Variants in RNF169 observed in about 807,000 individuals in gnomAD.
RNF169 encodes the protein E3 ubiquitin-protein ligase RNF169.
Under a neutral mutation model 53.9 loss-of-function variants are expected in RNF169, and 24 were observed. The ratio of observed to expected loss-of-function variants is 0.45; its 90% CI spans 0.32 to 0.63. The LOEUF is 0.63. Among genes scored for constraint, RNF169 ranks in the 20% least tolerant of loss-of-function variants. The pLI is 0.04. For synonymous variants in RNF169, 396 were observed against 363.5 expected, an observed-to-expected ratio of 1.09 and a Z score of -1.02; for missense variants, 883 against 906.2, an observed-to-expected ratio of 0.97 and a Z score of 0.33.
intron 1 of RNF169, among the ~76,000 whole-genome samples, chr11:74,778,105 T>C (rs936466554): frequency 1.3e-5 from 2 of 152,216 alleles, no homozygotes; most frequent in Non-Finnish European, 2.9e-5. Flanking sequence ...GGCAGTTGTT[T>C]ATTCTGTGAC....
rs140577492 is a variant in RNF169 at position 74,828,105 on chromosome 11, T to G, written c.843-6571T>G. The stretch of plus-strand genomic sequence containing the variant: ...AACCCCATTGTCCCAGCCCAAAAGC[T>G]TATTAATCTGATAAGCAGCTTCAGC... On this transcript the variant is annotated intron_variant, in intron 4 of 5. Transcript: ENST00000299563. Among the ~76,000 whole-genome samples the G allele has an allele frequency of 3.7e-4, 56 of 152,324 alleles. 1 individual carries two copies. Among genetic ancestry groups the G allele is most frequent in the African/African-American group, 1.2e-3 (49 of 41,566 alleles).
intron 1 of RNF169, among the ~76,000 whole-genome samples, chr11:74,777,235 G>A (rs188493881): frequency 1.3e-5 from 2 of 152,316 alleles, no homozygotes; most frequent in Admixed American, 1.3e-4. Context: ...CTAGGTGACT[G>A]CAGGTCTGTC....
At chr11:74,751,271 C>G (rs946487349) in intron 1 of RNF169, among the ~76,000 whole-genome samples, 1 of 152,102 alleles carries the variant, frequency 6.6e-6, no homozygotes, top group Non-Finnish European at 1.5e-5. Context: ...ACTAACTTGC[C>G]TAAGGATGAA....
intron 1 of RNF169, among the ~76,000 whole-genome samples, chr11:74,762,214 T>G (rs940025399): frequency 1.3e-5 from 2 of 149,906 alleles, no homozygotes; most frequent in Non-Finnish European, 3.0e-5. Context: ...TCTAAATTTT[T>G]TTCAAAGTTT....
intron 2 of RNF169, among the ~76,000 whole-genome samples, chr11:74,791,505 C>T (rs929341462): frequency 2.6e-5 from 4 of 152,236 alleles, no homozygotes; most frequent in Admixed American, 1.3e-4. Context: ...CTCTCAGCAC[C>T]CCCACAGCCT....
At chr11:74,818,979 A>G (rs2035975554) in intron 4 of RNF169, among the ~76,000 whole-genome samples, 1 of 151,982 alleles carries the variant, frequency 6.6e-6, no homozygotes, top group Non-Finnish European at 1.5e-5. Context: ...ATTTGTCATT[A>G]TGTATTTGTA....
At position 74,749,188 on chromosome 11, in the gene RNF169, G is replaced by T; in HGVS notation, c.308G>T (p.Cys103Phe). The T allele has an allele frequency of 8.5e-7, 1 of 1,170,084 alleles. No homozygotes were observed. Among genetic ancestry groups the T allele is most frequent in the Non-Finnish European group, 1.1e-6 (1 of 950,550 alleles). 72.5% of individuals were successfully genotyped at this position (1,170,084 alleles called of 1,614,324 possible). A position where few individuals can be genotyped will look rare whatever the true frequency, so the allele number is the denominator to read the frequency against. Residue 103 changes from cysteine to phenylalanine, a missense_variant, in exon 1 of 6, where the codon TGC becomes TTC. Physicochemically the swap from Cys to Phe is radical, Grantham distance 205. Around this residue, in one of 3 missense-constraint regions of RNF169, gnomAD observed 313 missense variants for 279.9 expected, o/e 1.12. Coordinates refer to ENST00000299563, the MANE Select transcript of RNF169 (RefSeq NM_001098638.2). ...GCCGCCGACGCGGCGGGCCCGGGTT[G>T]CCCTCGCTGCCGCGCCCGCGGCCCA... ...QRAADAAGPG[C>F]PRCRARGPGW... is the part of the protein sequence containing the mutation.
At chr11:74,821,945 A>G (rs1789426537) in intron 4 of RNF169, among the ~76,000 whole-genome samples, 1 of 152,186 alleles carries the variant, frequency 6.6e-6, no homozygotes, top group Non-Finnish European at 1.5e-5. Flanking sequence ...ACAAAATATT[A>G]CCAACTTCTG....
chr11:74,761,508 T>C (rs1050626381), intron 1 of RNF169, among the ~76,000 whole-genome samples: 5 of 150,422 alleles, frequency 3.3e-5, no homozygotes, highest in African/African-American at 7.3e-5. Flanking sequence ...GCAGGCCTGG[T>C]GGTGACAAAA....
intron 2 of RNF169, among the ~76,000 whole-genome samples, chr11:74,799,671 G>T (rs574499982): frequency 6.6e-6 from 1 of 152,054 alleles, no homozygotes; most frequent in Non-Finnish European, 1.5e-5. Flanking sequence ...TACAACTGTT[G>T]TCTCTAGTAT....
intron 1 of RNF169, 88 bp downstream of exon 1, chr11:74,749,470 C>T: frequency 1.9e-6 from 2 of 1,077,860 alleles, no homozygotes; most frequent in African/African-American, 1.9e-5. Flanking sequence ...AGTCCCGGGC[C>T]CTACTCGGGC....
chr11:74,766,095 C>A (rs1411823060), intron 1 of RNF169, among the ~76,000 whole-genome samples: 1 of 151,726 alleles, frequency 6.6e-6, no homozygotes, highest in Admixed American at 6.6e-5. Context: ...TTAAAAAAAC[C>A]TATAAATATA....
At position 74,748,927 on chromosome 11, in the gene RNF169, C is replaced by T. The variant is rs762292088; in HGVS notation, c.47C>T (p.Ala16Val). ...PSTRASSAAA[A>V]AALSRRGRRG... ...ACTCGGGCCTCTTCCGCGGCGGCAG[C>T]AGCCGCTCTGAGTCGGCGGGGCCGG... Residue 16 changes from alanine to valine, a missense_variant, in exon 1 of 6, where the codon GCA (alanine) becomes GTA (valine). Ala to Val is a moderately conservative substitution (Grantham distance 64). Transcript: ENST00000299563. 14 of 1,458,056 alleles carry T rather than the reference C, an allele frequency of 9.6e-6. No homozygotes were observed. Among genetic ancestry groups the T allele is most frequent in the South Asian group, 2.7e-5 (2 of 74,656 alleles). 90.3% of individuals were successfully genotyped at this position (1,458,056 alleles called of 1,614,324 possible). A position where few individuals can be genotyped will look rare whatever the true frequency, so the allele number is the denominator to read the frequency against.
chr11:74,762,713 C>A (rs545195387), intron 1 of RNF169, among the ~76,000 whole-genome samples: 8 of 152,214 alleles, frequency 5.3e-5, no homozygotes, highest in Non-Finnish European at 1.2e-4. Context: ...GAACTACAAA[C>A]CAAAACTGTA....
chr11:74,822,028 TGAGA>T (rs375488345), intron 4 of RNF169, among the ~76,000 whole-genome samples: 28 of 147,842 alleles, frequency 1.9e-4, no homozygotes, highest in Admixed American at 3.4e-4. Context: ...TGTGAGTGAG[TGAGA>T]GAGAGAGAGA....
At chr11:74,835,385 GCTTT>G (rs1565189380) in intron 5 of RNF169, among the ~76,000 whole-genome samples, 157 bp from the exon 6 acceptor site, 1 of 152,188 alleles carries the variant, frequency 6.6e-6, no homozygotes, top group Admixed American at 6.5e-5. Flanking sequence ...TAAATGGTAT[GCTTT>G]CTAAGTTAGG....
At chr11:74,767,695 G>A (rs1045322689) in intron 1 of RNF169, among the ~76,000 whole-genome samples, 2 of 151,836 alleles carry the variant, frequency 1.3e-5, no homozygotes, top group Non-Finnish European at 2.9e-5. Flanking sequence ...TCAGCCTCCC[G>A]AATAGCTTGG....
chr11:74,773,505 C>T (rs1202686305), intron 1 of RNF169, among the ~76,000 whole-genome samples: 1 of 152,156 alleles, frequency 6.6e-6, no homozygotes, highest in African/African-American at 2.4e-5. Context: ...GTCATTTGTG[C>T]AAATGTACCA....
intron 1 of RNF169, among the ~76,000 whole-genome samples, chr11:74,765,177 C>T (rs2035152949): frequency 6.6e-6 from 1 of 152,148 alleles, no homozygotes; most frequent in South Asian, 2.1e-4. Context: ...CCACTGTACT[C>T]CAACCTAGGT....
Sources: allele counts gnomAD v4.1 joint callset (sites outside exome capture counted in the v4.1 genomes callset), GRCh38; gene constraint gnomAD v4.1.1; regional missense constraint gnomAD v4.1.1; transcripts MANE v1.5; gene names NCBI Gene and HGNC (gene_info 2026-07-23, HGNC 2026-07-21).